CD28: variants seen among roughly 807,000 people sequenced by gnomAD.
The protein encoded by CD28 is T-cell-specific surface glycoprotein CD28.
Under a neutral mutation model 21.4 loss-of-function variants are expected in CD28, and 8 were observed. That is an observed-to-expected ratio of 0.37 (90% CI 0.22 to 0.68). CD28 has a LOEUF of 0.68. Ranked by LOEUF, CD28 falls within the 30% of genes least tolerant of loss-of-function variation. The probability of loss-of-function intolerance (pLI) is 0.55; values close to 1 mark genes in which losing one functional copy is unlikely to be tolerated. For missense variants in CD28, 239 were observed against 272.2 expected, an observed-to-expected ratio of 0.88 and a Z score of 0.86; for synonymous variants, 106 against 104.0, an observed-to-expected ratio of 1.02 and a Z score of -0.12.
rs200669860 is a variant in CD28 at position 203,735,599 on chromosome 2, C to T, written c.*687C>T. ...ATATCAGGTAAACCAAGTTGCTTTC[C>T]TCACTCCCTGTCATGAGACTTCAGT... is the stretch of plus-strand genomic sequence containing the variant. On this transcript the variant is annotated 3_prime_UTR_variant, in exon 4 of 4. Transcript: ENST00000324106. 5 of 152,618 alleles carry T rather than the reference C, an allele frequency of 3.3e-5. No individual in the cohort carries two copies. Among genetic ancestry groups the T allele is most frequent in the Non-Finnish European group, 7.3e-5 (5 of 68,064 alleles). The allele number at this position is 152,618 out of a possible 1,614,324, so 9.5% of individuals were successfully genotyped here.
At chr2:203,728,586 T>C (rs980539116) in intron 2 of CD28, among the ~76,000 whole-genome samples, 63 of 152,182 alleles carry the variant, frequency 4.1e-4, no homozygotes, top group Admixed American at 4.1e-3. Flanking sequence ...AGCTTTTGTG[T>C]TCTGGCAAAA....
At chr2:203,720,129 C>T (rs1272095706) in intron 1 of CD28, among the ~76,000 whole-genome samples, 4 of 152,136 alleles carry the variant, frequency 2.6e-5, no homozygotes, top group African/African-American at 9.7e-5. Flanking sequence ...CTCTCAGTAC[C>T]TTGCTCACAA....
chr2:203,718,519 T>G (rs1404480768), intron 1 of CD28, among the ~76,000 whole-genome samples: 1 of 152,200 alleles, frequency 6.6e-6, no homozygotes, highest in African/African-American at 2.4e-5. Flanking sequence ...CATGTGAAAT[T>G]CTGTTCAGTC....
At chr2:203,722,372 G>A (rs1403919952) in intron 1 of CD28, among the ~76,000 whole-genome samples, 3 of 152,202 alleles carry the variant, frequency 2.0e-5, no homozygotes, top group African/African-American at 2.4e-5. Context: ...AAGACAGGTC[G>A]AACTTTTTGA....
chr2:203,706,577 G>T, upstream of CD28: 2 of 1,589,476 alleles, frequency 1.3e-6, no homozygotes, highest in Non-Finnish European at 1.7e-6. Context: ...TGGTGGCGGT[G>T]GTGGTGGCCG....
chr2:203,724,306 G>A (rs1406901304), intron 1 of CD28, among the ~76,000 whole-genome samples: 2 of 151,988 alleles, frequency 1.3e-5, no homozygotes, highest in Non-Finnish European at 2.9e-5. Context: ...TCAGATAGTG[G>A]TGATTCATTC....
intron 3 of CD28, among the ~76,000 whole-genome samples, chr2:203,734,117 T>G (rs1693964536): frequency 6.6e-6 from 1 of 152,248 alleles, no homozygotes; most frequent in Non-Finnish European, 1.5e-5. Context: ...ATCACATTGA[T>G]TCAGAAATGA....
intron 1 of CD28, 34 bp downstream of exon 1, chr2:203,706,782 A>AT: frequency 6.6e-7 from 1 of 1,508,168 alleles, no homozygotes; most frequent in Non-Finnish European, 9.2e-7. Context: ...TTCTGTAAAT[A>AT]TTTTTTGAGG....
At chr2:203,708,589 T>C (rs1234807668) in intron 1 of CD28, among the ~76,000 whole-genome samples, 1 of 152,220 alleles carries the variant, frequency 6.6e-6, no homozygotes, top group Non-Finnish European at 1.5e-5. Context: ...ATGTTTTCTT[T>C]AGAACATTTA....
At chr2:203,734,301 C>A (rs1345449546) in intron 3 of CD28, among the ~76,000 whole-genome samples, 1 of 152,182 alleles carries the variant, frequency 6.6e-6, no homozygotes, top group Non-Finnish European at 1.5e-5. Context: ...TTGTCTAGAA[C>A]TGTAAATTGC....
At chr2:203,721,560 C>T (rs1308419535) in intron 1 of CD28, among the ~76,000 whole-genome samples, 1 of 152,020 alleles carries the variant, frequency 6.6e-6, no homozygotes, top group East Asian at 1.9e-4. Flanking sequence ...ACTCTCCCAC[C>T]TCACCCCAGT....
rs1207070475 is a variant in CD28 at position 203,735,294 on chromosome 2, A to T, written c.*382A>T. ...TATCCACAGACATTTTAGTTGCAGA[A>T]GAAAGGCTAGGAAATCATTCCTTTT... On this transcript the variant is annotated 3_prime_UTR_variant, in exon 4 of 4. Coordinates refer to ENST00000324106, the MANE Select transcript of CD28 (RefSeq NM_006139.4). 1 of 191,830 alleles carries T rather than the reference A, an allele frequency of 5.2e-6. No homozygotes were observed. Among genetic ancestry groups the T allele is most frequent in the African/African-American group, 2.4e-5 (1 of 42,346 alleles). The allele number at this position is 191,830 out of a possible 1,614,324, so 11.9% of individuals were successfully genotyped here.
At chr2:203,724,029 G>T (rs1477431216) in intron 1 of CD28, among the ~76,000 whole-genome samples, 2 of 152,174 alleles carry the variant, frequency 1.3e-5, no homozygotes, top group Non-Finnish European at 2.9e-5. Flanking sequence ...AATATTATTT[G>T]GCCATGAAGA....
intron 1 of CD28, among the ~76,000 whole-genome samples, chr2:203,714,310 A>G (rs775218241): frequency 4.0e-4 from 61 of 152,124 alleles, no homozygotes; most frequent in Non-Finnish European, 7.9e-4. Flanking sequence ...CACTATGGCT[A>G]GGCTTGACCT....
intron 1 of CD28, among the ~76,000 whole-genome samples, chr2:203,715,217 T>C (rs1693433366): frequency 6.6e-6 from 1 of 152,194 alleles, no homozygotes; most frequent in African/African-American, 2.4e-5. Flanking sequence ...GTGGGTTTTC[T>C]TTTGATCCGT....
Position 203,735,163 on chromosome 2 carries a change from T to C in CD28, c.*251T>C. The C allele has an allele frequency of 2.1e-6, 1 of 478,668 alleles. No individual in the cohort carries two copies. Among genetic ancestry groups the C allele is most frequent in the South Asian group, 3.2e-5 (1 of 31,592 alleles). The allele number at this position is 478,668 out of a possible 1,614,324, so 29.7% of individuals were successfully genotyped here. A position where few individuals can be genotyped will look rare whatever the true frequency, so the allele number is the denominator to read the frequency against. On this transcript the variant is annotated 3_prime_UTR_variant, in exon 4 of 4. Transcript: ENST00000324106. ...GCCCACATTCCAACTTACCATGTAC[T>C]TAGTGACTTGACTGAGAAGTTAGGG...
chr2:203,716,025 C>T (rs1474789290), intron 1 of CD28, among the ~76,000 whole-genome samples: 1 of 152,192 alleles, frequency 6.6e-6, no homozygotes, highest in Non-Finnish European at 1.5e-5. Flanking sequence ...GCTGTGCTAA[C>T]CTTCCCAAAG....
chr2:203,723,854 T>A (rs567825330), intron 1 of CD28, among the ~76,000 whole-genome samples: 1 of 152,326 alleles, frequency 6.6e-6, no homozygotes, highest in African/African-American at 2.4e-5. Flanking sequence ...AAGTTAAACA[T>A]AGAGTTACCA....
chr2:203,710,215 G>A (rs1370881784), intron 1 of CD28, among the ~76,000 whole-genome samples: 3 of 152,160 alleles, frequency 2.0e-5, no homozygotes, highest in Non-Finnish European at 4.4e-5. Context: ...GAAATTGACT[G>A]GATGTTTTTG....
Sources: allele counts gnomAD v4.1 joint callset (sites outside exome capture counted in the v4.1 genomes callset), GRCh38; gene constraint gnomAD v4.1.1; transcripts MANE v1.5; gene names NCBI Gene and HGNC (gene_info 2026-07-23, HGNC 2026-07-21).